Variants in TSC1 observed in about 807,000 individuals in gnomAD.
TSC1 encodes TSC complex subunit 1, also known as hamartin.
Under a neutral mutation model 124.3 loss-of-function variants are expected in TSC1, and 20 were observed. The observed-to-expected ratio is 0.16, with a 90% CI of 0.11 to 0.23. The LOEUF (loss-of-function observed/expected upper bound fraction) is 0.23. TSC1 is among the 10% of genes least tolerant of loss of function. The pLI is 1.00. For synonymous variants in TSC1, 493 were observed against 539.1 expected, an observed-to-expected ratio of 0.91 and a Z score of 1.19; for missense variants, 1,124 against 1,448.5, an observed-to-expected ratio of 0.78 and a Z score of 3.64.
At chr9:132,932,722 G>A (rs1847265596) in intron 2 of TSC1, among the ~76,000 whole-genome samples, 1 of 152,126 alleles carries the variant, frequency 6.6e-6, no homozygotes. Context: ...AGGAATACTG[G>A]TTCTTTCTTG....
Position 132,892,950 on chromosome 9 carries a change from C to T in TSC1, c.*3285G>A, listed in dbSNP as rs886063580. On this transcript the variant is annotated 3_prime_UTR_variant, in exon 23 of 23. Coordinates refer to ENST00000298552, the MANE Select transcript of TSC1 (RefSeq NM_000368.5). The stretch of plus-strand genomic sequence containing the variant: ...CTATGTGTGCTGTTGCAAATGGGGA[C>T]GGCCCAAGAGTCTGGAGTTTTGTTC... 1 of 233,248 alleles carries T rather than the reference C, an allele frequency of 4.3e-6. No individual in the cohort carries two copies. The highest frequency in any genetic ancestry group is 8.5e-6 in the Non-Finnish European group (1 of 118,024). 14.4% of individuals were successfully genotyped at this position (233,248 alleles called of 1,614,324 possible). A position where few individuals can be genotyped will look rare whatever the true frequency, so the allele number is the denominator to read the frequency against.
At position 132,897,219 on chromosome 9, in the gene TSC1, T is replaced by G. The variant is rs557674294; in HGVS notation, c.2940A>C (p.Glu980Asp). ...CTGCTTCAGCTGCTTCTGCTTTTTCTTCTTCAAGTTTTTTCAGGAGGCCAT... is the reference window on the plus strand; with the variant it reads ...CTGCTTCAGCTGCTTCTGCTTTTTCGTCTTCAAGTTTTTTCAGGAGGCCAT... The part of the protein sequence containing the change: ...EKDGLLKKLE[E>D]EKAEAAEAAE... Residue 980 changes from glutamate (E) to aspartate (D), a missense_variant, in exon 22 of 23, where the codon GAA becomes GAC. Transcript: ENST00000298552. 6.2e-7 allele frequency: 1 copy of G among 1,614,200 alleles called. No homozygotes were observed. Among genetic ancestry groups the G allele is most frequent in the Non-Finnish European group, 8.5e-7 (1 of 1,180,034 alleles).
Position 132,891,982 on chromosome 9 carries a change from G to T in TSC1, c.*4253C>A. On this transcript the variant is annotated 3_prime_UTR_variant, in exon 23 of 23. Coordinates refer to ENST00000298552, the MANE Select transcript of TSC1 (RefSeq NM_000368.5). ...TATCTCAGAGGATGGATAATGTGGC[G>T]CTGCGAAGTGGGGAGGAAGCTCCTC... The T allele has an allele frequency of 4.3e-6, 1 of 233,158 alleles. No homozygotes were observed. Among genetic ancestry groups the T allele is most frequent in the Non-Finnish European group, 8.5e-6 (1 of 117,940 alleles). The allele number at this position is 233,158 out of a possible 1,614,324, so 14.4% of individuals were successfully genotyped here. A position where few individuals can be genotyped will look rare whatever the true frequency, so the allele number is the denominator to read the frequency against.
At position 132,923,481 on chromosome 9, in the gene TSC1, G is replaced by T. The variant is rs560863078; in HGVS notation, c.375C>A (p.Asp125Glu). ...AGACGCCTGTTGTGAGGACAACGAC[G>T]TCAGTGTCCATCTGCAGGAGAAAAG... is the stretch of plus-strand genomic sequence containing the variant. ...SLLKCLKMDT[D>E]VVVLTTGVLV... Residue 125 changes from aspartate (D) to glutamate (E), a missense_variant, in exon 6 of 23, where the codon GAC (aspartate) becomes GAA (glutamate). Transcript: ENST00000298552. This position sits in a 1 kb window ranked among gnomAD's most constrained non-coding sequence, Gnocchi z 4.2. 4.3e-6 allele frequency: 7 copies of T among 1,614,100 alleles called. No individual in the cohort carries two copies. Among genetic ancestry groups the T allele is most frequent in the Non-Finnish European group, 5.9e-6 (7 of 1,179,962 alleles).
At chr9:132,924,573 T>C (rs1209866320) in intron 5 of TSC1, among the ~76,000 whole-genome samples, 1 of 152,200 alleles carries the variant, frequency 6.6e-6, no homozygotes. Context: ...CTGAACTAAA[T>C]GATGTGCCTC....
chr9:132,935,838 TCAC>T (rs1481391147), intron 1 of TSC1, among the ~76,000 whole-genome samples: 1 of 152,218 alleles, frequency 6.6e-6, no homozygotes, highest in African/African-American at 2.4e-5. Flanking sequence ...GCTTAAATGC[TCAC>T]TTCCTCAGAG....
intron 9 of TSC1, 45 bp downstream of exon 9, chr9:132,912,237 A>G (rs1297462440): frequency 1.2e-6 from 2 of 1,608,556 alleles, no homozygotes; most frequent in Non-Finnish European, 1.7e-6. Flanking sequence ...AATGTTTTCC[A>G]GAGACAAAGT....
intron 3 of TSC1, among the ~76,000 whole-genome samples, 154 bp from the exon 4 acceptor site, chr9:132,927,458 A>G (rs1846941445): frequency 6.6e-6 from 1 of 151,988 alleles, no homozygotes; most frequent in Admixed American, 6.5e-5. Context: ...TAATTTAATA[A>G]TAAGATATTC....
chr9:132,901,880 T>C (rs1845392790), intron 18 of TSC1, 181 bp from the exon 19 acceptor site: 2 of 601,100 alleles, frequency 3.3e-6, no homozygotes, highest in Non-Finnish European at 5.8e-6. Flanking sequence ...TCTGAGTTCC[T>C]TACTGTTTAA....
chr9:132,933,789 A>G (rs1324129235), intron 2 of TSC1, among the ~76,000 whole-genome samples: 1 of 152,174 alleles, frequency 6.6e-6, no homozygotes, highest in Non-Finnish European at 1.5e-5. Context: ...TGTTTAATAA[A>G]ATTTGAGATT....
At chr9:132,922,608 G>A (rs762631878) in intron 6 of TSC1, among the ~76,000 whole-genome samples, 2 of 152,074 alleles carry the variant, frequency 1.3e-5, no homozygotes, top group Non-Finnish European at 2.9e-5. Flanking sequence ...GGAAACCCAC[G>A]GCCACAGTAT....
chr9:132,923,692 C>T lies in TSC1; in HGVS notation c.364-200G>A, dbSNP rs150590517. On this transcript the variant is annotated intron_variant, in intron 5 of 22. Transcript: ENST00000298552. The surrounding 1 kb of genome is among the most constrained non-coding windows in gnomAD (Gnocchi z 4.2). Reference sequence around the variant, plus strand: ...AACAGAACACTGAGCCCCAACTCTACTGTAATGAGTCAGTGAGGACCATTT... The same window carrying T: ...AACAGAACACTGAGCCCCAACTCTATTGTAATGAGTCAGTGAGGACCATTT... 2.3e-5 allele frequency: 16 copies of T among 706,474 alleles called. No individual in the cohort carries two copies. The East Asian group carries it at 4.6e-4, about 20-fold the overall frequency. 43.8% of individuals were successfully genotyped at this position (706,474 alleles called of 1,614,324 possible). A position where few individuals can be genotyped will look rare whatever the true frequency, so the allele number is the denominator to read the frequency against.
At position 132,905,688 on chromosome 9, in the gene TSC1, T is replaced by C. The variant is rs1370477883; in HGVS notation, c.1890A>G (p.Lys630=). 1 of 1,614,132 alleles carries C rather than the reference T, an allele frequency of 6.2e-7. No homozygotes were observed. The highest frequency in any genetic ancestry group is 1.3e-5 in the African/African-American group (1 of 74,952). The change falls in exon 15 of 23, where the codon AAA becomes AAG. Residue 630 remains lysine, a synonymous_variant. Transcript: ENST00000298552. ...VIRKTEELLK[K]AKGNTEEDGV... The stretch of plus-strand genomic sequence containing the variant: ...CATCTTCCTCTGTGTTTCCTTTTGC[T>C]TTCTTTAACAGCTCCTCAGTCTTCC...
At chr9:132,907,397 A>G in intron 12 of TSC1, 27 bp from the exon 13 acceptor site, 1 of 1,583,528 alleles carries the variant, frequency 6.3e-7, no homozygotes, top group African/African-American at 1.3e-5. Flanking sequence ...CATTTATATC[A>G]CAAGACGAAA....
intron 4 of TSC1, chr9:132,926,979 G>T: frequency 1.9e-6 from 1 of 525,438 alleles, no homozygotes; most frequent in Non-Finnish European, 3.4e-6. Flanking sequence ...GCCCAAACAA[G>T]ATCTTTAACA....
At position 132,906,288 on chromosome 9, in the gene TSC1, G is replaced by T; in HGVS notation, c.1439-149C>A. 1 of 900,450 alleles carries T rather than the reference G, an allele frequency of 1.1e-6. No homozygotes were observed. Among genetic ancestry groups the T allele is most frequent in the Non-Finnish European group, 1.8e-6 (1 of 569,880 alleles). The allele number at this position is 900,450 out of a possible 1,614,324, so 55.8% of individuals were successfully genotyped here. A position where few individuals can be genotyped will look rare whatever the true frequency, so the allele number is the denominator to read the frequency against. On this transcript the variant is annotated intron_variant, in intron 14 of 22. Coordinates refer to ENST00000298552, the MANE Select transcript of TSC1 (RefSeq NM_000368.5). This position sits in a 1 kb window ranked among gnomAD's most constrained non-coding sequence, Gnocchi z 4.1. Reference sequence around the variant, plus strand: ...CGGCTGGACACAGTGGCTCACGCCTGTAATGCCAGAACTTTGGGAGGCTGA... The same window carrying T: ...CGGCTGGACACAGTGGCTCACGCCTTTAATGCCAGAACTTTGGGAGGCTGA...
At position 132,905,806 on chromosome 9, in the gene TSC1, G is replaced by T. The variant is rs768985094; in HGVS notation, c.1772C>A (p.Pro591Gln). 16 of 1,614,216 alleles carry T rather than the reference G, an allele frequency of 9.9e-6. No homozygotes were observed. Among genetic ancestry groups the T allele is most frequent in the Non-Finnish European group, 1.4e-5 (16 of 1,180,046 alleles). The change falls in exon 15 of 23, where the codon CCG becomes CAG. Residue 591 changes from proline (P) to glutamine (Q), a missense_variant. By Grantham distance (76) the Pro-to-Gln change is moderately conservative. Transcript: ENST00000298552. The part of the protein sequence containing the change: ...FTPSPCKIPP[P>Q]TRVGFGSGQP... ...CCCGCTTCCAAAGCCCACTCTCGTC[G>T]GAGGTGGAATTTTACAAGGACTGGG...
intron 1 of TSC1, among the ~76,000 whole-genome samples, chr9:132,939,656 T>TA (rs1219425660): frequency 2.6e-5 from 4 of 152,218 alleles, no homozygotes; most frequent in African/African-American, 9.6e-5. Flanking sequence ...GCCAAACAGA[T>TA]ACCATGTATA....
intron 1 of TSC1, among the ~76,000 whole-genome samples, chr9:132,937,182 G>A (rs1328830075): frequency 2.6e-5 from 4 of 152,230 alleles, no homozygotes; most frequent in African/African-American, 9.6e-5. Flanking sequence ...GGTGGCTCAC[G>A]CCTGTAATCC....
Sources: gnomAD v4.1 joint callset for allele counts (sites outside exome capture counted in the v4.1 genomes callset) on GRCh38, gnomAD v4.1.1 for gene constraint, Gnocchi (gnomAD v3.1) non-coding constraint, MANE v1.5 for transcripts, NCBI Gene and HGNC (gene_info 2026-07-23, HGNC 2026-07-21) for gene names.